The following CCBE1 variants were observed in gnomAD, a reference collection of about 807,000 sequenced individuals.
The protein encoded by CCBE1 is collagen and calcium-binding EGF domain-containing protein 1.
In CCBE1, 37 loss-of-function variants were observed where a neutral mutation model predicts 50.0. The ratio of observed to expected loss-of-function variants is 0.74; its 90% CI spans 0.57 to 0.97. The LOEUF (loss-of-function observed/expected upper bound fraction) is 0.97. CCBE1 is among the 50% of genes least tolerant of loss of function. CCBE1 has a pLI of 0.00. For synonymous variants in CCBE1, 234 were observed against 203.7 expected (o/e 1.15, Z -1.27); for missense variants, 538 against 523.8 (o/e 1.03, Z -0.26).
chr18:59,635,149 G>A (rs542000172), intron 2 of CCBE1, among the ~76,000 whole-genome samples: 21 of 152,302 alleles, frequency 1.4e-4, no homozygotes, highest in Admixed American at 1.2e-3. Context: ...TCAAAGCAAC[G>A]ACGTTTTGAT....
At chr18:59,598,952 T>C (rs890280532) in intron 2 of CCBE1, among the ~76,000 whole-genome samples, 5 of 152,050 alleles carry the variant, frequency 3.3e-5, no homozygotes, top group African/African-American at 9.7e-5. Flanking sequence ...AGACCAAAGA[T>C]GGAGAAACAT....
intron 2 of CCBE1, among the ~76,000 whole-genome samples, chr18:59,494,857 A>G (rs891358544): frequency 6.6e-6 from 1 of 152,188 alleles, no homozygotes; most frequent in Non-Finnish European, 1.5e-5. Flanking sequence ...CAATGGATAA[A>G]TGCACCCAGG....
intron 2 of CCBE1, among the ~76,000 whole-genome samples, chr18:59,557,629 C>A (rs185106899): frequency 8.1e-4 from 123 of 152,218 alleles, no homozygotes; most frequent in African/African-American, 2.8e-3. Context: ...ACTTCAGCCT[C>A]TGTTTGATCA....
At chr18:59,644,699 C>T (rs1204240136) in intron 2 of CCBE1, among the ~76,000 whole-genome samples, 2 of 152,108 alleles carry the variant, frequency 1.3e-5, no homozygotes, top group Admixed American at 1.3e-4. Context: ...TACACATGCC[C>T]CCTAATACCT....
chr18:59,689,348 G>C (rs146185767), intron 2 of CCBE1, among the ~76,000 whole-genome samples: 25 of 152,348 alleles, frequency 1.6e-4, no homozygotes, highest in African/African-American at 5.3e-4. Flanking sequence ...AACGGATGTG[G>C]TCCCAGTTTC....
chr18:59,672,017 G>T (rs756739411), intron 2 of CCBE1, among the ~76,000 whole-genome samples: 1 of 152,190 alleles, frequency 6.6e-6, no homozygotes, highest in South Asian at 2.1e-4. Flanking sequence ...AGCCATGGAC[G>T]TGGAGACTGT....
At position 59,447,882 on chromosome 18, in the gene CCBE1, C is replaced by T. The variant is rs1027352916; in HGVS notation, c.775+101G>A. Reference sequence around the variant, plus strand: ...CATGGACACCTGCCTTGTTTCTCCTCGATGGAAGCTGGAGAACATTGTCCA... The same window carrying T: ...CATGGACACCTGCCTTGTTTCTCCTTGATGGAAGCTGGAGAACATTGTCCA... On this transcript the variant is annotated intron_variant, in intron 7 of 10. Transcript: ENST00000439986. 21 of 1,568,302 alleles carry T rather than the reference C, an allele frequency of 1.3e-5. No homozygotes were observed. The African/African-American group carries it at 1.6e-4, about 12-fold the overall frequency.
At chr18:59,438,391 T>C (rs1298217959) in intron 9 of CCBE1, among the ~76,000 whole-genome samples, 1 of 152,228 alleles carries the variant, frequency 6.6e-6, no homozygotes, top group African/African-American at 2.4e-5. Flanking sequence ...GCAAGAGGAA[T>C]GTTCATATTT....
intron 5 of CCBE1, among the ~76,000 whole-genome samples, chr18:59,456,562 C>T (rs1337219776): frequency 6.6e-6 from 1 of 152,196 alleles, no homozygotes; most frequent in Non-Finnish European, 1.5e-5. Flanking sequence ...GATTGTCCTG[C>T]ATAGCTGTTA....
chr18:59,667,667 G>A (rs1025611121), intron 2 of CCBE1, among the ~76,000 whole-genome samples: 3 of 152,152 alleles, frequency 2.0e-5, no homozygotes, highest in Non-Finnish European at 2.9e-5. Flanking sequence ...CTCATCCCCT[G>A]ATCAGCTGCT....
At chr18:59,651,140 T>C (rs540396731) in intron 2 of CCBE1, among the ~76,000 whole-genome samples, 2 of 152,336 alleles carry the variant, frequency 1.3e-5, no homozygotes, top group East Asian at 3.9e-4. Flanking sequence ...AAGGTATGAA[T>C]AGAAGCAACA....
At chr18:59,543,854 A>AG (rs928260987) in intron 2 of CCBE1, among the ~76,000 whole-genome samples, 5 of 151,246 alleles carry the variant, frequency 3.3e-5, no homozygotes, top group African/African-American at 1.2e-4. Flanking sequence ...AAAAAAAAAA[A>AG]AAAACAGAAA....
chr18:59,598,796 T>G (rs543554563), intron 2 of CCBE1, among the ~76,000 whole-genome samples: 1 of 152,226 alleles, frequency 6.6e-6, no homozygotes, highest in East Asian at 1.9e-4. Context: ...AATTCCATGA[T>G]CTTTTTGAAA....
chr18:59,676,423 C>G (rs1319351894), intron 2 of CCBE1, among the ~76,000 whole-genome samples: 1 of 152,166 alleles, frequency 6.6e-6, no homozygotes, highest in African/African-American at 2.4e-5. Flanking sequence ...TCATATGTCT[C>G]CTGCCCTGTT....
At chr18:59,638,345 C>G (rs1202906733) in intron 2 of CCBE1, among the ~76,000 whole-genome samples, 1 of 152,154 alleles carries the variant, frequency 6.6e-6, no homozygotes, top group East Asian at 1.9e-4. Flanking sequence ...AAGATCAGCA[C>G]AAGATAAGGA....
At position 59,438,230 on chromosome 18, in the gene CCBE1, A is replaced by T. The variant is rs1487054588; in HGVS notation, c.952-84T>A. 6.9e-6 allele frequency: 8 copies of T among 1,156,712 alleles called. No homozygotes were observed. In the South Asian group the frequency reaches 7.5e-5, roughly 11 times the overall value. 71.7% of individuals were successfully genotyped at this position (1,156,712 alleles called of 1,614,324 possible). A position where few individuals can be genotyped will look rare whatever the true frequency, so the allele number is the denominator to read the frequency against. On this transcript the variant is annotated intron_variant, in intron 9 of 10. Coordinates refer to ENST00000439986, the MANE Select transcript of CCBE1 (RefSeq NM_133459.4). ...CTCTATTTATACACCCACCATAACCACTTCCCTGCACAAAACAATAAACAT... is the reference window on the plus strand; with the variant it reads ...CTCTATTTATACACCCACCATAACCTCTTCCCTGCACAAAACAATAAACAT...
At chr18:59,596,700 G>A (rs1245716298) in intron 2 of CCBE1, among the ~76,000 whole-genome samples, 2 of 152,200 alleles carry the variant, frequency 1.3e-5, no homozygotes. Flanking sequence ...GACAGCAAGA[G>A]TCCTGAGAAA....
intron 2 of CCBE1, among the ~76,000 whole-genome samples, chr18:59,560,748 G>A (rs984303072): frequency 3.3e-5 from 5 of 152,166 alleles, no homozygotes; most frequent in East Asian, 1.9e-4. Flanking sequence ...GTGGCAGGGC[G>A]GGTTACAGTT....
chr18:59,602,411 A>G (rs187524432), intron 2 of CCBE1, among the ~76,000 whole-genome samples: 39 of 152,334 alleles, frequency 2.6e-4, no homozygotes, highest in African/African-American at 9.1e-4. Flanking sequence ...TTAGAATTGC[A>G]AAGATTCAAG....
Sources: allele counts gnomAD v4.1 joint callset (sites outside exome capture counted in the v4.1 genomes callset), GRCh38; gene constraint gnomAD v4.1.1; transcripts MANE v1.5; gene names NCBI Gene and HGNC (gene_info 2026-07-23, HGNC 2026-07-21).